Variants in UBOX5 observed in about 807,000 individuals in gnomAD.
UBOX5 encodes the protein U-box domain containing 5, also known as RING finger protein 37.
Under a neutral mutation model 39.0 loss-of-function variants are expected in UBOX5, and 28 were observed. The observed-to-expected ratio is 0.72, with a 90% confidence interval of 0.53 to 0.98. UBOX5 has a LOEUF of 0.98. Among genes scored for constraint, UBOX5 ranks in the 50% least tolerant of loss-of-function variants. UBOX5 has a pLI of 0.00. For missense variants in UBOX5, 585 were observed against 674.4 expected (o/e 0.87, Z 1.47); for synonymous variants, 283 against 275.5 (o/e 1.03, Z -0.27).
intron 1 of UBOX5, among the ~76,000 whole-genome samples, chr20:3,144,806 T>C (rs147923988): frequency 1.3e-5 from 2 of 152,314 alleles, no homozygotes; most frequent in East Asian, 1.9e-4. Flanking sequence ...ATATAACACA[T>C]AGCATGTTTC....
At chr20:3,143,323 A>G (rs991037520) in intron 1 of UBOX5, among the ~76,000 whole-genome samples, 2 of 151,848 alleles carry the variant, frequency 1.3e-5, no homozygotes, top group Non-Finnish European at 2.9e-5. Context: ...GCTGGTCTCA[A>G]ACTCCTGGCC....
chr20:3,140,435 A>G (rs2066508665), intron 1 of UBOX5, among the ~76,000 whole-genome samples: 1 of 152,190 alleles, frequency 6.6e-6, no homozygotes, highest in Non-Finnish European at 1.5e-5. Context: ...TTTTACTACC[A>G]TTTACTCAGC....
rs2066599338 is a variant in UBOX5, at chr20:3,149,114, T to C, written c.-42+10652A>G. 6.4e-7 allele frequency: 1 copy of C among 1,555,382 alleles called. No individual in the cohort carries two copies. The highest frequency in any genetic ancestry group is 8.7e-7 in the Non-Finnish European group (1 of 1,151,630). ...CTCTTTGGCAGTCAGAATACAGTCC[T>C]CACAGATTTGACCAGGCAATTTCTT... On this transcript the variant is annotated intron_variant, in intron 1 of 4. Transcript: ENST00000217173. This position sits in a 1 kb window ranked among gnomAD's most constrained non-coding sequence, Gnocchi z 4.1.
At chr20:3,145,186 T>C (rs1010720573) in intron 1 of UBOX5, among the ~76,000 whole-genome samples, 3 of 151,700 alleles carry the variant, frequency 2.0e-5, no homozygotes, top group African/African-American at 4.8e-5. Context: ...AGGGTCTCAC[T>C]CTGTCAGCCA....
intron 1 of UBOX5, among the ~76,000 whole-genome samples, chr20:3,153,974 T>C (rs530826051): frequency 5.9e-5 from 9 of 152,164 alleles, no homozygotes; most frequent in African/African-American, 2.2e-4. Context: ...AGGTTTGGAA[T>C]GCTCAACCTG....
chr20:3,147,680 T>C, intron 1 of UBOX5: 1 of 1,614,248 alleles, frequency 6.2e-7, no homozygotes, highest in Non-Finnish European at 8.5e-7. Flanking sequence ...CTGGTTGAAT[T>C]CAGGCATCTT....
intron 1 of UBOX5, among the ~76,000 whole-genome samples, chr20:3,145,439 TC>T (rs60329550): frequency 6.7e-6 from 1 of 148,482 alleles, no homozygotes; most frequent in East Asian, 2.0e-4. Flanking sequence ...GGCCTTTTTT[TC>T]CTTTTTTTTT....
Position 3,151,085 on chromosome 20 carries a change from T to G in UBOX5, c.-42+8681A>C, listed in dbSNP as rs151138009. The stretch of plus-strand genomic sequence containing the variant: ...GTGTGTGTTTGTGTGTGTGTGTGTG[T>G]GGAGATGGAGTCTCACAATGTTGCC... On this transcript the variant is annotated intron_variant, in intron 1 of 4. Transcript: ENST00000217173. 8.6e-3 allele frequency among the ~76,000 whole-genome samples: 1,309 copies of G among 152,150 alleles called. 20 individuals carry two copies. Among genetic ancestry groups the G allele is most frequent in the African/African-American group, 0.029 (1,196 of 41,498 alleles).
At chr20:3,132,640 G>A (rs1459445965) in intron 1 of UBOX5, among the ~76,000 whole-genome samples, 3 of 151,892 alleles carry the variant, frequency 2.0e-5, no homozygotes, top group Non-Finnish European at 2.9e-5. Context: ...CTAACATGGC[G>A]AAATCCCGTC....
intron 1 of UBOX5, among the ~76,000 whole-genome samples, chr20:3,124,784 G>A (rs1232419684): frequency 6.7e-6 from 1 of 149,500 alleles, no homozygotes; most frequent in Non-Finnish European, 1.5e-5. Flanking sequence ...CCCCGTCTGG[G>A]ATGTGAGGAG....
At chr20:3,146,885 C>T in intron 1 of UBOX5, 1 of 1,614,178 alleles carries the variant, frequency 6.2e-7, no homozygotes, top group Non-Finnish European at 8.5e-7. Flanking sequence ...CACACGGTAG[C>T]CAAGCCGAGC....
rs34926292 is a variant in UBOX5, at chr20:3,134,557, G to GA, written c.-41-11152dup. 1.9e-3 allele frequency among the ~76,000 whole-genome samples: 153 copies of GA among 81,914 alleles called. 1 individual carries two copies. Among genetic ancestry groups the GA allele is most frequent in the Non-Finnish European group, 2.5e-3 (110 of 43,618 alleles). 53.7% of individuals were successfully genotyped at this position (81,914 alleles called of 152,430 possible). ...TGGGTAACAGAGTGAGACCCCATCT[G>GA]AAAAAAAAAAAAAAAAAAAAGGCCA... On this transcript the variant is annotated intron_variant, in intron 1 of 4. Transcript: ENST00000217173.
At chr20:3,119,164 G>A (rs2066315596) in intron 3 of UBOX5, among the ~76,000 whole-genome samples, 1 of 152,212 alleles carries the variant, frequency 6.6e-6, no homozygotes, top group South Asian at 2.1e-4. Context: ...TCCCTCGTCT[G>A]TGCACTCTCT....
chr20:3,112,651 C>T (rs1031908953), intron 4 of UBOX5, among the ~76,000 whole-genome samples: 1 of 152,062 alleles, frequency 6.6e-6, no homozygotes, highest in Non-Finnish European at 1.5e-5. Context: ...ACAGCCTATC[C>T]GTTAAAGAAA....
rs1394563975 is a variant in UBOX5 at position 3,122,364 on chromosome 20, A to C, written c.275T>G (p.Val92Gly). The change falls in exon 3 of 5, where the codon GTG becomes GGG. Residue 92 changes from valine to glycine, a missense_variant. By Grantham distance (109) the Val-to-Gly change is moderately radical (BLOSUM62 -3). Transcript: ENST00000217173. ...CCGGCACTGGGGCGTATTCCAAGAC[A>C]CTCTGCTAGATGAGGCAGATGTGTA... ...EMYTSASSSR[V>G]SWNTPQCRTL... is the part of the protein sequence containing the mutation. 14 of 1,614,078 alleles carry C rather than the reference A, an allele frequency of 8.7e-6. No individual in the cohort carries two copies. The highest frequency in any genetic ancestry group is 1.1e-5 in the Non-Finnish European group (13 of 1,180,016).
At chr20:3,140,001 C>T (rs1489932614) in intron 1 of UBOX5, among the ~76,000 whole-genome samples, 4 of 149,558 alleles carry the variant, frequency 2.7e-5, no homozygotes, top group African/African-American at 9.9e-5. Context: ...AACCACCACA[C>T]TCGGCCTTTT....
At chr20:3,133,644 C>T (rs796901683) in intron 1 of UBOX5, among the ~76,000 whole-genome samples, 1 of 151,966 alleles carries the variant, frequency 6.6e-6, no homozygotes, top group African/African-American at 2.4e-5. Flanking sequence ...ATGTTTGCTT[C>T]TGATTTCAGT....
At chr20:3,137,144 C>T (rs1159194143) in intron 1 of UBOX5, among the ~76,000 whole-genome samples, 7 of 149,726 alleles carry the variant, frequency 4.7e-5, no homozygotes, top group African/African-American at 1.5e-4. Context: ...AGGGTTTCAC[C>T]ATGGTAGCCA....
chr20:3,133,762 G>GT (rs1431866588), intron 1 of UBOX5, among the ~76,000 whole-genome samples: 1 of 150,580 alleles, frequency 6.6e-6, no homozygotes, highest in Non-Finnish European at 1.5e-5. Flanking sequence ...TTTTTGGGGG[G>GT]GGGAAACAGG....
Sources: allele counts gnomAD v4.1 joint callset (sites outside exome capture counted in the v4.1 genomes callset), GRCh38; gene constraint gnomAD v4.1.1; non-coding constraint Gnocchi (gnomAD v3.1); transcripts MANE v1.5; gene names NCBI Gene and HGNC (gene_info 2026-07-23, HGNC 2026-07-21).